PLEKHM3: variants seen among roughly 807,000 people sequenced by gnomAD.
PLEKHM3 encodes the protein pleckstrin homology domain-containing family M member 3.
A neutral mutation model predicts 81.8 loss-of-function variants in PLEKHM3; 45 were observed. The observed-to-expected ratio is 0.55, with a 90% CI of 0.43 to 0.71. The LOEUF (loss-of-function observed/expected upper bound fraction) is 0.71. Among genes scored for constraint, PLEKHM3 ranks in the 30% least tolerant of loss-of-function variants. The pLI, the probability that PLEKHM3 is intolerant of heterozygous loss-of-function variation, is 0.00. For missense variants in PLEKHM3, 788 were observed against 924.3 expected, an observed-to-expected ratio of 0.85 and a Z score of 1.91; for synonymous variants, 352 against 356.4, an observed-to-expected ratio of 0.99 and a Z score of 0.14.
chr2:207,976,687 C>G lies in PLEKHM3; in HGVS notation c.1510G>C (p.Glu504Gln), dbSNP rs1429900789. Reference sequence around the variant, plus strand: ...AAACTCTGAGCAGTGAGTCCTCGTTCCAAAGACAAAGTCGTCAAAATGCTC... The same window carrying G: ...AAACTCTGAGCAGTGAGTCCTCGTTGCAAAGACAAAGTCGTCAAAATGCTC... ...FLSILTTLSL[E>Q]RGLTAQSFKC... The change falls in exon 3 of 8, where the codon GAA (glutamate) becomes CAA (glutamine). Residue 504 changes from glutamate to glutamine, a missense_variant. Transcript: ENST00000427836. The surrounding 1 kb of genome is among the most constrained non-coding windows in gnomAD (Gnocchi z 4.1). 1 of 1,613,934 alleles carries G rather than the reference C, an allele frequency of 6.2e-7. No individual in the cohort carries two copies.
intron 3 of PLEKHM3, among the ~76,000 whole-genome samples, chr2:207,954,925 A>G (rs1352022404): frequency 6.6e-6 from 1 of 152,240 alleles, no homozygotes; most frequent in East Asian, 1.9e-4. Context: ...GTAGATTCCA[A>G]CTCAAGTTGA....
chr2:207,849,406 T>C (rs1296302687), intron 7 of PLEKHM3, among the ~76,000 whole-genome samples: 1 of 151,952 alleles, frequency 6.6e-6, no homozygotes, highest in African/African-American at 2.4e-5. Context: ...AAGATTTTGG[T>C]GTTAATAAGT....
At chr2:207,832,291 C>T (rs1268368316) in intron 7 of PLEKHM3, among the ~76,000 whole-genome samples, 1 of 152,086 alleles carries the variant, frequency 6.6e-6, no homozygotes, top group Non-Finnish European at 1.5e-5. Context: ...TTCCAAGAAT[C>T]TATAGTTAAT....
chr2:207,969,432 T>C (rs937801806), intron 3 of PLEKHM3, among the ~76,000 whole-genome samples: 2 of 152,246 alleles, frequency 1.3e-5, no homozygotes, highest in African/African-American at 2.4e-5. Context: ...TCAAGGATGC[T>C]TGTATTGCTA....
chr2:207,893,144 T>C (rs973103771), intron 6 of PLEKHM3, among the ~76,000 whole-genome samples: 7 of 152,304 alleles, frequency 4.6e-5, no homozygotes, highest in Admixed American at 6.5e-5. Context: ...CGTTGTTATC[T>C]CTATGTTAAA....
At chr2:207,910,222 C>G (rs1688768628) in intron 5 of PLEKHM3, among the ~76,000 whole-genome samples, 1 of 152,186 alleles carries the variant, frequency 6.6e-6, no homozygotes, top group African/African-American at 2.4e-5. Context: ...CACAGCTGGG[C>G]AGGGCATAGG....
At chr2:207,930,342 G>A (rs189133660) in intron 5 of PLEKHM3, among the ~76,000 whole-genome samples, 2 of 152,212 alleles carry the variant, frequency 1.3e-5, no homozygotes, top group East Asian at 3.9e-4. Context: ...AACACTTTGG[G>A]AGGCTGAGGC....
rs1691364716 is a variant in PLEKHM3 at position 207,977,582 on chromosome 2, G to A, written c.615C>T (p.His205=). The A allele has an allele frequency of 6.2e-7, 1 of 1,600,504 alleles. No individual in the cohort carries two copies. ...TTAGAATGTTTGGGAATGTCTGCTT[G>A]TGTTCTAGAAAGGAAAAGAGAGGCA... ...KIEDAQGNTE[H]KQTFPNILKK... is the part of the protein sequence containing the mutation. Residue 205 remains histidine, a synonymous_variant, in exon 3 of 8, where the codon CAC becomes CAT. Transcript: ENST00000427836.
At chr2:207,851,943 G>C (rs2092415164) in intron 7 of PLEKHM3, among the ~76,000 whole-genome samples, 1 of 151,962 alleles carries the variant, frequency 6.6e-6, no homozygotes, top group African/African-American at 2.4e-5. Flanking sequence ...CACAGGAGGT[G>C]GAAGCTCTGT....
intron 2 of PLEKHM3, among the ~76,000 whole-genome samples, chr2:207,982,893 C>T (rs191839825): frequency 1.0e-4 from 15 of 150,514 alleles, no homozygotes; most frequent in Non-Finnish European, 1.5e-4. Flanking sequence ...TTCTTAATAA[C>T]GTTTTCTTTT....
chr2:207,834,358 G>A (rs2092306006), intron 7 of PLEKHM3, among the ~76,000 whole-genome samples: 1 of 151,518 alleles, frequency 6.6e-6, no homozygotes, highest in Non-Finnish European at 1.5e-5. Context: ...TCAAACTCCC[G>A]ACCTCAGGTG....
At chr2:207,939,108 A>G (rs1223929272) in intron 4 of PLEKHM3, among the ~76,000 whole-genome samples, 1 of 152,170 alleles carries the variant, frequency 6.6e-6, no homozygotes, top group Non-Finnish European at 1.5e-5. Flanking sequence ...CTTGCTCTCT[A>G]TACACCTCTC....
At chr2:207,951,588 G>A (rs997495316) in intron 3 of PLEKHM3, among the ~76,000 whole-genome samples, 1 of 152,060 alleles carries the variant, frequency 6.6e-6, no homozygotes, top group African/African-American at 2.4e-5. Flanking sequence ...GCTCTGAAGA[G>A]CTTAGCCTCC....
chr2:207,991,010 C>A (rs1380235095), intron 2 of PLEKHM3, among the ~76,000 whole-genome samples: 1 of 152,150 alleles, frequency 6.6e-6, no homozygotes, highest in East Asian at 1.9e-4. Context: ...AGTGATAGAG[C>A]ATAAGTCAAT....
chr2:208,023,885 G>T (rs1382614677), intron 1 of PLEKHM3, among the ~76,000 whole-genome samples: 4 of 151,932 alleles, frequency 2.6e-5, no homozygotes, highest in Non-Finnish European at 5.9e-5. Flanking sequence ...TAACAAACAT[G>T]TATATAGCAA....
chr2:207,896,235 G>A (rs893853536), intron 6 of PLEKHM3, among the ~76,000 whole-genome samples: 4 of 152,222 alleles, frequency 2.6e-5, no homozygotes, highest in Non-Finnish European at 5.9e-5. Context: ...ACTGGGATTC[G>A]AGAAGTAAAG....
At chr2:207,989,267 G>C (rs1691820792) in intron 2 of PLEKHM3, among the ~76,000 whole-genome samples, 1 of 152,220 alleles carries the variant, frequency 6.6e-6, no homozygotes, top group Non-Finnish European at 1.5e-5. Context: ...GGGCCCCAAA[G>C]TATCTGCAAT....
chr2:207,922,872 A>C (rs564626684), intron 5 of PLEKHM3, among the ~76,000 whole-genome samples: 2 of 152,048 alleles, frequency 1.3e-5, no homozygotes, highest in Admixed American at 1.3e-4. Flanking sequence ...CCAGATGATC[A>C]CTGCTGGAAG....
intron 6 of PLEKHM3, among the ~76,000 whole-genome samples, chr2:207,894,572 G>T: frequency 6.6e-6 from 1 of 150,808 alleles, no homozygotes; most frequent in Non-Finnish European, 1.5e-5. Flanking sequence ...GGTTGGGGTG[G>T]GGGGGTGGGG....
Sources: gnomAD v4.1 joint callset for allele counts (sites outside exome capture counted in the v4.1 genomes callset) on GRCh38, gnomAD v4.1.1 for gene constraint, Gnocchi (gnomAD v3.1) non-coding constraint, MANE v1.5 for transcripts, NCBI Gene and HGNC (gene_info 2026-07-23, HGNC 2026-07-21) for gene names.